SLIT2: variants seen among roughly 807,000 people sequenced by gnomAD.
SLIT2 encodes the protein slit homolog 2 protein.
Under a neutral mutation model 185.7 loss-of-function variants are expected in SLIT2, and 41 were observed. The observed-to-expected ratio is 0.22, with a 90% CI of 0.17 to 0.29. The LOEUF (loss-of-function observed/expected upper bound fraction) is 0.29. SLIT2 is among the 10% of genes least tolerant of loss of function. SLIT2 has a pLI of 1.00. For missense variants in SLIT2, 1,571 were observed against 1,909.0 expected (o/e 0.82, Z 3.30); for synonymous variants, 693 against 680.2 (o/e 1.02, Z -0.29).
At chr4:20,265,965 G>A (rs951432455) in intron 3 of SLIT2, among the ~76,000 whole-genome samples, 1 of 151,878 alleles carries the variant, frequency 6.6e-6, no homozygotes, top group African/African-American at 2.4e-5. Flanking sequence ...CTAGCTTTAT[G>A]TCTTTGAACT....
chr4:20,355,016 T>C (rs1045307357), intron 4 of SLIT2, among the ~76,000 whole-genome samples: 2 of 152,064 alleles, frequency 1.3e-5, no homozygotes, highest in Admixed American at 1.3e-4. Context: ...CCTTTCCTCA[T>C]TTTTAAGTTA....
intron 4 of SLIT2, among the ~76,000 whole-genome samples, chr4:20,367,981 A>G (rs1479645407): frequency 6.6e-6 from 1 of 152,124 alleles, no homozygotes; most frequent in Non-Finnish European, 1.5e-5. Context: ...GTTTCCAAAG[A>G]AAGACAGATA....
At position 20,568,963 on chromosome 4, in the gene SLIT2, G is replaced by A. The variant is rs1313542462; in HGVS notation, c.3047G>A (p.Gly1016Asp). Residue 1016 changes from glycine (G) to aspartate (D), a missense_variant, in exon 29 of 37, where the codon GGC becomes GAC. By Grantham distance (94) the Gly-to-Asp change is moderately conservative (BLOSUM62 -1). Transcript: ENST00000504154. ...GAAAATAATTCTACATGTGTCGATG[G>A]CATTAATAACTACACATGCCTTTGC... ...DCENNSTCVDGINNYTCLCPP... is the reference protein window; with the variant it reads ...DCENNSTCVDDINNYTCLCPP... 3 of 1,612,184 alleles carry A rather than the reference G, an allele frequency of 1.9e-6. No homozygotes were observed. Among genetic ancestry groups the A allele is most frequent in the Non-Finnish European group, 2.5e-6 (3 of 1,178,720 alleles).
chr4:20,425,941 T>C (rs896667276), intron 4 of SLIT2, among the ~76,000 whole-genome samples: 1 of 152,182 alleles, frequency 6.6e-6, no homozygotes, highest in Non-Finnish European at 1.5e-5. Context: ...TTTTCAAGAC[T>C]CTTCTGTGCT....
chr4:20,357,235 A>G (rs1031897517), intron 4 of SLIT2, among the ~76,000 whole-genome samples: 2 of 152,118 alleles, frequency 1.3e-5, no homozygotes, highest in Admixed American at 1.3e-4. Context: ...TGGAATTTCA[A>G]TGCTTTTAAC....
intron 4 of SLIT2, among the ~76,000 whole-genome samples, chr4:20,442,574 A>T (rs1052754497): frequency 6.6e-6 from 1 of 150,878 alleles, no homozygotes; most frequent in Admixed American, 6.6e-5. Context: ...TATGAAGGTT[A>T]TGGAACAAGG....
intron 25 of SLIT2, 103 bp downstream of exon 25, chr4:20,551,001 T>A (rs55798019): frequency 1.7e-6 from 1 of 599,084 alleles, no homozygotes; most frequent in Non-Finnish European, 2.9e-6. Flanking sequence ...TCATAAGATG[T>A]AATTGGTTTC....
intron 4 of SLIT2, among the ~76,000 whole-genome samples, chr4:20,269,960 CAG>C (rs1713432461): frequency 6.6e-6 from 1 of 151,896 alleles, no homozygotes; most frequent in African/African-American, 2.4e-5. Flanking sequence ...CAGATCTCTC[CAG>C]AGTCTTTCCT....
chr4:20,420,903 G>A (rs1467835467), intron 4 of SLIT2, among the ~76,000 whole-genome samples: 2 of 152,110 alleles, frequency 1.3e-5, no homozygotes, highest in Non-Finnish European at 2.9e-5. Flanking sequence ...CAGGAAGAAA[G>A]CCCTTGCCAG....
chr4:20,526,810 T>G (rs931450564), intron 15 of SLIT2, among the ~76,000 whole-genome samples: 2 of 152,116 alleles, frequency 1.3e-5, no homozygotes, highest in African/African-American at 2.4e-5. Context: ...CTTCCTCCCC[T>G]TTTTTCCAAA....
chr4:20,545,854 C>T (rs375326031), intron 21 of SLIT2, among the ~76,000 whole-genome samples, 177 bp from the exon 22 acceptor site: 1 of 151,924 alleles, frequency 6.6e-6, no homozygotes, highest in South Asian at 2.1e-4. Flanking sequence ...GTGGACAACT[C>T]TGCTTTTTTT....
intron 4 of SLIT2, among the ~76,000 whole-genome samples, chr4:20,419,366 G>A (rs1296211764): frequency 6.6e-6 from 1 of 152,118 alleles, no homozygotes; most frequent in Non-Finnish European, 1.5e-5. Context: ...GTCTAAAACT[G>A]TATAATTATT....
chr4:20,365,283 T>C (rs1723023674), intron 4 of SLIT2, among the ~76,000 whole-genome samples: 1 of 152,118 alleles, frequency 6.6e-6, no homozygotes, highest in African/African-American at 2.4e-5. Context: ...GGTGTTGATA[T>C]AAGAAAAAGT....
intron 4 of SLIT2, among the ~76,000 whole-genome samples, chr4:20,382,305 G>A (rs1577543337): frequency 1.3e-5 from 2 of 152,114 alleles, no homozygotes; most frequent in Admixed American, 1.3e-4. Context: ...AGACAAGGAT[G>A]TGCACTCCTA....
At chr4:20,364,706 A>G (rs908966369) in intron 4 of SLIT2, among the ~76,000 whole-genome samples, 3 of 123,656 alleles carry the variant, frequency 2.4e-5, no homozygotes, top group African/African-American at 9.0e-5. Context: ...AGGTGTTTTC[A>G]GTGATCTAAT....
At chr4:20,522,149 G>A (rs886302156) in intron 12 of SLIT2, among the ~76,000 whole-genome samples, 2 of 151,970 alleles carry the variant, frequency 1.3e-5, no homozygotes, top group Non-Finnish European at 2.9e-5. Flanking sequence ...TCACCTCTTC[G>A]GGCCATTCAA....
intron 24 of SLIT2, among the ~76,000 whole-genome samples, chr4:20,550,086 C>G (rs1723602123): frequency 6.6e-6 from 1 of 152,072 alleles, no homozygotes; most frequent in Non-Finnish European, 1.5e-5. Flanking sequence ...TTTCCACCAA[C>G]TATTTAAGAG....
intron 7 of SLIT2, among the ~76,000 whole-genome samples, chr4:20,487,604 T>C (rs1717367261): frequency 1.3e-5 from 2 of 152,276 alleles, no homozygotes; most frequent in South Asian, 4.1e-4. Context: ...TACAAGGATA[T>C]GGAATGTGCC....
intron 9 of SLIT2, among the ~76,000 whole-genome samples, chr4:20,507,826 G>A (rs1719346743): frequency 6.6e-6 from 1 of 151,766 alleles, no homozygotes; most frequent in Non-Finnish European, 1.5e-5. Context: ...ACGTTATTGT[G>A]AGCAAATCTT....
Sources: gnomAD v4.1 joint callset for allele counts (sites outside exome capture counted in the v4.1 genomes callset) on GRCh38, gnomAD v4.1.1 for gene constraint, MANE v1.5 for transcripts, NCBI Gene and HGNC (gene_info 2026-07-23, HGNC 2026-07-21) for gene names.